The following ZNF521 variants were observed in gnomAD, a reference collection of about 807,000 sequenced individuals.
The protein encoded by ZNF521 is LYST-interacting protein 3.
In ZNF521, 14 loss-of-function variants were observed where a neutral mutation model predicts 105.5. The observed-to-expected ratio is 0.13, with a 90% CI of 0.09 to 0.21. The LOEUF (loss-of-function observed/expected upper bound fraction) is 0.21. ZNF521 is among the 10% of genes least tolerant of loss of function. The pLI is 1.00. For synonymous variants in ZNF521, 635 were observed against 606.0 expected, an observed-to-expected ratio of 1.05 and a Z score of -0.70; for missense variants, 1,233 against 1,629.7, an observed-to-expected ratio of 0.76 and a Z score of 4.19.
intron 5 of ZNF521, among the ~76,000 whole-genome samples, chr18:25,164,456 G>A (rs1269664914): frequency 1.3e-5 from 2 of 152,178 alleles, no homozygotes; most frequent in Non-Finnish European, 2.9e-5. Flanking sequence ...TTTCAAGAAG[G>A]TTTCATATTT....
rs1173618057 is a variant in ZNF521, at chr18:25,288,594, TG to T, written c.220+33413del. Among the ~76,000 whole-genome samples, 6 of 132,816 alleles carry T rather than the reference TG, an allele frequency of 4.5e-5. No individual in the cohort carries two copies. In the East Asian group the frequency reaches 6.2e-4, roughly 14 times the overall value. The allele number at this position is 132,816 out of a possible 152,430, so 87.1% of individuals were successfully genotyped here. A position where few individuals can be genotyped will look rare whatever the true frequency, so the allele number is the denominator to read the frequency against. On this transcript the variant is annotated intron_variant, in intron 3 of 7. Coordinates refer to ENST00000361524, the MANE Select transcript of ZNF521 (RefSeq NM_015461.3). ...ACTTAAAAAAAAAAAAACCCAGCTT[TG>T]AAAAAAAAAAAAAAAAGAAATCATT...
intron 7 of ZNF521, among the ~76,000 whole-genome samples, chr18:25,086,438 C>T (rs2033624624): frequency 6.6e-6 from 1 of 152,062 alleles, no homozygotes; most frequent in African/African-American, 2.4e-5. Flanking sequence ...AAAACACTTT[C>T]AAAACTAGAA....
intron 3 of ZNF521, among the ~76,000 whole-genome samples, chr18:25,319,235 G>A (rs1461234973): frequency 6.6e-6 from 1 of 152,096 alleles, no homozygotes; most frequent in Non-Finnish European, 1.5e-5. Context: ...ATAAACAAAT[G>A]AATAAGAAAG....
chr18:25,327,381 A>G, intron 2 of ZNF521: 1 of 1,078,498 alleles, frequency 9.3e-7, no homozygotes, highest in Non-Finnish European at 1.1e-6. Context: ...ATGATGTTGT[A>G]TTTAAAGTTC....
intron 3 of ZNF521, among the ~76,000 whole-genome samples, chr18:25,296,833 A>G: frequency 6.6e-6 from 1 of 152,148 alleles, no homozygotes; most frequent in South Asian, 2.1e-4. Flanking sequence ...CTTAATCATA[A>G]TCACTAGACA....
At chr18:25,266,518 C>G (rs553007425) in intron 3 of ZNF521, among the ~76,000 whole-genome samples, 21 of 152,216 alleles carry the variant, frequency 1.4e-4, no homozygotes, top group Non-Finnish European at 2.8e-4. Flanking sequence ...ACACAGAAGG[C>G]GGGTGATTTC....
chr18:25,142,653 A>C (rs2034870893), intron 5 of ZNF521, among the ~76,000 whole-genome samples: 1 of 152,160 alleles, frequency 6.6e-6, no homozygotes, highest in Admixed American at 6.6e-5. Flanking sequence ...AGAAGAGAGA[A>C]AAACTAGAGC....
intron 4 of ZNF521, among the ~76,000 whole-genome samples, chr18:25,197,969 T>C (rs984205801): frequency 6.6e-5 from 10 of 151,842 alleles, no homozygotes; most frequent in African/African-American, 2.4e-4. Context: ...TACATTTATA[T>C]AAAAGACAAC....
At chr18:25,145,408 T>A (rs904951801) in intron 5 of ZNF521, among the ~76,000 whole-genome samples, 1 of 151,990 alleles carries the variant, frequency 6.6e-6, no homozygotes, top group African/African-American at 2.4e-5. Context: ...GTTATCGATC[T>A]ATAGTTTTTG....
intron 3 of ZNF521, among the ~76,000 whole-genome samples, chr18:25,266,390 G>A (rs1909253447): frequency 6.6e-6 from 1 of 152,200 alleles, no homozygotes; most frequent in Non-Finnish European, 1.5e-5. Flanking sequence ...CCACTGACTT[G>A]TGAATGACTG....
intron 3 of ZNF521, among the ~76,000 whole-genome samples, chr18:25,246,220 A>G (rs1358713818): frequency 6.6e-6 from 1 of 152,148 alleles, no homozygotes; most frequent in Non-Finnish European, 1.5e-5. Flanking sequence ...AGCTTAAAGT[A>G]TAATAAATAA....
At chr18:25,085,683 GTA>G (rs1555632570) in intron 7 of ZNF521, among the ~76,000 whole-genome samples, 3 of 136,394 alleles carry the variant, frequency 2.2e-5, no homozygotes, top group Non-Finnish European at 3.3e-5. Flanking sequence ...GTGTGTGTGT[GTA>G]TACATATATG....
chr18:25,076,337 A>C (rs545598516), intron 7 of ZNF521, among the ~76,000 whole-genome samples: 1 of 152,316 alleles, frequency 6.6e-6, no homozygotes. Flanking sequence ...GGTTGGAAGA[A>C]AGACCTGTTA....
At chr18:25,185,463 C>T (rs1265866572) in intron 5 of ZNF521, among the ~76,000 whole-genome samples, 6 of 152,004 alleles carry the variant, frequency 3.9e-5, no homozygotes, top group South Asian at 2.1e-4. Flanking sequence ...ACAGTAAGTT[C>T]GGCAGCAAGA....
chr18:25,343,626 C>G (rs116441480), intron 2 of ZNF521, among the ~76,000 whole-genome samples: 2 of 152,070 alleles, frequency 1.3e-5, no homozygotes, highest in Non-Finnish European at 2.9e-5. Context: ...TATGATCATG[C>G]GGGAATAGTA....
intron 3 of ZNF521, among the ~76,000 whole-genome samples, chr18:25,307,694 A>G (rs1417815521): frequency 6.6e-6 from 1 of 152,208 alleles, no homozygotes. Context: ...TGGCAGAAGT[A>G]ATGTTATGCC....
intron 5 of ZNF521, among the ~76,000 whole-genome samples, chr18:25,109,245 T>C (rs1224066331): frequency 1.3e-5 from 2 of 152,178 alleles, no homozygotes; most frequent in African/African-American, 4.8e-5. Context: ...CTTAGGATAA[T>C]GGTCTCCAGC....
chr18:25,137,621 C>T (rs1276923263), intron 5 of ZNF521, among the ~76,000 whole-genome samples: 1 of 152,150 alleles, frequency 6.6e-6, no homozygotes. Flanking sequence ...AGTCCGTCTT[C>T]TTCATTTTTC....
At chr18:25,267,825 A>G (rs1472814662) in intron 3 of ZNF521, among the ~76,000 whole-genome samples, 5 of 152,208 alleles carry the variant, frequency 3.3e-5, no homozygotes, top group African/African-American at 1.2e-4. Context: ...AAATGGGGAG[A>G]AACAACACAA....
Sources: allele counts gnomAD v4.1 joint callset (sites outside exome capture counted in the v4.1 genomes callset), GRCh38; gene constraint gnomAD v4.1.1; transcripts MANE v1.5; gene names NCBI Gene and HGNC (gene_info 2026-07-23, HGNC 2026-07-21).